The following FSD1L variants were observed in gnomAD, a reference collection of about 807,000 sequenced individuals.
The protein encoded by FSD1L is FSD1-like protein.
FSD1L carries 45 observed loss-of-function variants against 71.6 expected under a neutral mutation model. The ratio of observed to expected loss-of-function variants is 0.63; its 90% CI spans 0.49 to 0.81. FSD1L has a LOEUF of 0.81. Among genes scored for constraint, FSD1L ranks in the 30% least tolerant of loss-of-function variants. FSD1L has a pLI of 0.00. For missense variants in FSD1L, 561 were observed against 618.1 expected (o/e 0.91, Z 0.98); for synonymous variants, 197 against 207.2 (o/e 0.95, Z 0.42).
intron 1 of FSD1L, among the ~76,000 whole-genome samples, chr9:105,452,677 T>C (rs138296624): frequency 1.7e-5 from 2 of 120,890 alleles, no homozygotes; most frequent in African/African-American, 4.1e-5. Flanking sequence ...CTGCCTTCCT[T>C]CCTTCCTTCC....
chr9:105,454,827 CT>C (rs1338668474), intron 1 of FSD1L, among the ~76,000 whole-genome samples: 1 of 152,186 alleles, frequency 6.6e-6, no homozygotes, highest in East Asian at 1.9e-4. Flanking sequence ...AGCATTTAGA[CT>C]TTTTCTCAGC....
intron 1 of FSD1L, among the ~76,000 whole-genome samples, chr9:105,458,648 C>T (rs944084759): frequency 2.0e-5 from 3 of 152,060 alleles, no homozygotes; most frequent in African/African-American, 4.8e-5. Context: ...GAAAAAGCAC[C>T]ATTTGTTTGA....
At chr9:105,480,617 A>G (rs1832110711) in intron 6 of FSD1L, among the ~76,000 whole-genome samples, 1 of 152,042 alleles carries the variant, frequency 6.6e-6, no homozygotes, top group South Asian at 2.1e-4. Context: ...TATTTTTTGT[A>G]TATTTTACAT....
chr9:105,495,298 C>T lies in FSD1L; in HGVS notation c.586+10796C>T, dbSNP rs937633077. On this transcript the variant is annotated intron_variant, in intron 7 of 13. Transcript: ENST00000481272. Reference sequence around the variant, plus strand: ...CGAGACTCCGTGGGTGTAGGACCCTCGGAGCCAGGTGCGGGATATAATCTC... The same window carrying T: ...CGAGACTCCGTGGGTGTAGGACCCTTGGAGCCAGGTGCGGGATATAATCTC... 5.9e-5 allele frequency among the ~76,000 whole-genome samples: 9 copies of T among 152,262 alleles called. No individual in the cohort carries two copies. The South Asian group carries it at 8.3e-4, about 14-fold the overall frequency.
chr9:105,469,438 G>GT (rs35245547), intron 4 of FSD1L, among the ~76,000 whole-genome samples: 18,918 of 148,052 alleles, frequency 0.13, 1,468 homozygotes, highest in Admixed American at 0.23. Context: ...TTATTTTCTG[G>GT]TTTTTTTTTT....
intron 7 of FSD1L, among the ~76,000 whole-genome samples, chr9:105,497,278 G>A (rs774135481): frequency 1.2e-4 from 19 of 152,048 alleles, no homozygotes; most frequent in Non-Finnish European, 2.6e-4. Flanking sequence ...ATATTTTGTT[G>A]AGGATTTTTC....
At chr9:105,464,063 C>T (rs1830897301) in intron 2 of FSD1L, among the ~76,000 whole-genome samples, 173 bp from the exon 3 acceptor site, 1 of 151,914 alleles carries the variant, frequency 6.6e-6, no homozygotes, top group African/African-American at 2.4e-5. Flanking sequence ...AAATATATAC[C>T]CCATCTTTTC....
chr9:105,461,265 G>A (rs113051309), intron 1 of FSD1L, among the ~76,000 whole-genome samples: 6,297 of 152,004 alleles, frequency 0.041, 449 homozygotes, highest in African/African-American at 0.14. Context: ...GCTTCTAGCC[G>A]TAATGTGGTT....
chr9:105,480,327 C>G lies in FSD1L; in HGVS notation c.464+951C>G, dbSNP rs145268953. Reference sequence around the variant, plus strand: ...TTTTTTTTTGAGGCAGAGTCTTGCTCTAGCACCCAGGCTGGAGTGCAGTGG... The same window carrying G: ...TTTTTTTTTGAGGCAGAGTCTTGCTGTAGCACCCAGGCTGGAGTGCAGTGG... On this transcript the variant is annotated intron_variant, in intron 6 of 13. Transcript: ENST00000481272. Among the ~76,000 whole-genome samples, 807 of 145,286 alleles carry G rather than the reference C, an allele frequency of 5.6e-3. 8 individuals carry two copies. Among genetic ancestry groups the G allele is most frequent in the African/African-American group, 0.019 (759 of 39,026 alleles).
Position 105,454,482 on chromosome 9 carries a change from G to A in FSD1L, c.15+6247G>A, listed in dbSNP as rs371262551. Among the ~76,000 whole-genome samples the A allele has an allele frequency of 2.2e-4, 34 of 152,298 alleles. 1 individual carries two copies. The highest frequency in any genetic ancestry group is 7.9e-4 in the African/African-American group (33 of 41,570). On this transcript the variant is annotated intron_variant, in intron 1 of 13. Coordinates refer to ENST00000481272, the MANE Select transcript of FSD1L (RefSeq NM_001145313.3). ...TTAGAAATGGAATTACTGAGTCAATGTATATCTATTTCAAAAATTTTATTT... is the reference window on the plus strand; with the variant it reads ...TTAGAAATGGAATTACTGAGTCAATATATATCTATTTCAAAAATTTTATTT...
the FSD1L span, among the ~76,000 whole-genome samples, chr9:105,442,364 C>T: frequency 1.3e-5 from 2 of 152,100 alleles, no homozygotes; most frequent in African/African-American, 4.8e-5. Context: ...ATGATGTAAC[C>T]TCACAGTTCA....
At chr9:105,540,597 G>A (rs1449284492) in intron 13 of FSD1L, among the ~76,000 whole-genome samples, 1 of 152,102 alleles carries the variant, frequency 6.6e-6, no homozygotes, top group Non-Finnish European at 1.5e-5. Context: ...TTGGTATGAA[G>A]TAAGGATCTA....
intron 7 of FSD1L, among the ~76,000 whole-genome samples, chr9:105,492,054 A>AATAGTTTC (rs1832980268): frequency 1.3e-5 from 2 of 151,828 alleles, no homozygotes; most frequent in African/African-American, 4.9e-5. Flanking sequence ...TATTGATTGG[A>AATAGTTTC]ATAGTTTCAG....
At position 105,551,217 on chromosome 9, in the gene FSD1L, G is replaced by T. The variant is rs1344252361; in HGVS notation, c.*4734G>T. On this transcript the variant is annotated 3_prime_UTR_variant, in exon 14 of 14. Transcript: ENST00000481272. ...TATAACTAATTCATACTATAAGACA[G>T]ATAATAGCTAAAGTTTTGGAATAAT... The T allele has an allele frequency of 6.6e-6, 1 of 151,940 alleles. No homozygotes were observed. Among genetic ancestry groups the T allele is most frequent in the African/African-American group, 2.4e-5 (1 of 41,384 alleles). 9.4% of individuals were successfully genotyped at this position (151,940 alleles called of 1,614,324 possible).
chr9:105,538,794 A>G (rs1385522296), intron 12 of FSD1L, among the ~76,000 whole-genome samples: 2 of 152,172 alleles, frequency 1.3e-5, no homozygotes, highest in Non-Finnish European at 2.9e-5. Context: ...ACAAAATTGA[A>G]GCAGTGATAG....
intron 10 of FSD1L, chr9:105,522,361 T>C: frequency 2.5e-6 from 4 of 1,613,870 alleles, no homozygotes; most frequent in Non-Finnish European, 3.4e-6. Flanking sequence ...GGGAAAGGAG[T>C]TGGACATGAA....
chr9:105,474,826 A>C (rs1831688810), intron 5 of FSD1L, among the ~76,000 whole-genome samples: 1 of 152,252 alleles, frequency 6.6e-6, no homozygotes, highest in Non-Finnish European at 1.5e-5. Context: ...GTGTCTCAGC[A>C]TGAGAACTGA....
chr9:105,484,929 T>C (rs1588982136), intron 7 of FSD1L, among the ~76,000 whole-genome samples: 1 of 152,226 alleles, frequency 6.6e-6, no homozygotes, highest in East Asian at 1.9e-4. Flanking sequence ...CTAAAATATT[T>C]ATAATAGTAC....
At chr9:105,521,768 A>C in intron 10 of FSD1L, 1 of 1,613,040 alleles carries the variant, frequency 6.2e-7, no homozygotes, top group Non-Finnish European at 8.5e-7. Context: ...GCTCCTACCA[A>C]GGTGCTCTTC....
Sources: allele counts gnomAD v4.1 joint callset (sites outside exome capture counted in the v4.1 genomes callset), GRCh38; gene constraint gnomAD v4.1.1; transcripts MANE v1.5; gene names NCBI Gene and HGNC (gene_info 2026-07-23, HGNC 2026-07-21).